COL26A1: variants seen among roughly 807,000 people sequenced by gnomAD.
The protein encoded by COL26A1 is collagen alpha-1(XXVI) chain.
A neutral mutation model predicts 59.3 loss-of-function variants in COL26A1; 41 were observed. The observed-to-expected ratio is 0.69, with a 90% CI of 0.54 to 0.90. The LOEUF is 0.90. Ranked by LOEUF, COL26A1 falls within the 40% of genes least tolerant of loss-of-function variation. The pLI is 0.00. For missense variants in COL26A1, 612 were observed against 602.3 expected, an observed-to-expected ratio of 1.02 and a Z score of -0.17; for synonymous variants, 266 against 256.0, an observed-to-expected ratio of 1.04 and a Z score of -0.37.
intron 2 of COL26A1, among the ~76,000 whole-genome samples, chr7:101,446,598 GC>G: frequency 6.6e-6 from 1 of 152,288 alleles, no homozygotes; most frequent in Admixed American, 6.5e-5. Context: ...TGTAATCGCA[GC>G]ACTTTGGAAG....
intron 3 of COL26A1, among the ~76,000 whole-genome samples, chr7:101,475,924 T>TTCTC (rs915213781): frequency 7.2e-6 from 1 of 138,844 alleles, no homozygotes; most frequent in African/African-American, 2.7e-5. Flanking sequence ...CTCTCTTTCT[T>TTCTC]TCTCTCTCTC....
chr7:101,473,076 CT>C lies in COL26A1; in HGVS notation c.385+25300del, dbSNP rs1348473588. Among the ~76,000 whole-genome samples the C allele has an allele frequency of 6.7e-3, 985 of 146,140 alleles. 7 individuals are homozygous for C. Among genetic ancestry groups the C allele is most frequent in the African/African-American group, 0.023 (904 of 40,118 alleles). ...TTTATGAGCTGACTATGGGTTGCAT[CT>C]TTTTTTTTTTCTTTTTTTTTGACAC... On this transcript the variant is annotated intron_variant, in intron 3 of 12. Coordinates refer to ENST00000313669, the MANE Select transcript of COL26A1 (RefSeq NM_001278563.3).
chr7:101,462,534 C>A (rs918411210), intron 3 of COL26A1, among the ~76,000 whole-genome samples: 1 of 151,808 alleles, frequency 6.6e-6, no homozygotes, highest in Non-Finnish European at 1.5e-5. Context: ...TCAGGCTGGT[C>A]TCGAACTCCT....
chr7:101,446,741 G>A (rs768090126), intron 2 of COL26A1, among the ~76,000 whole-genome samples: 12 of 152,112 alleles, frequency 7.9e-5, no homozygotes, highest in South Asian at 2.1e-4. Flanking sequence ...CAGCTACTCC[G>A]GAGGCTGAGG....
At chr7:101,434,857 G>C (rs1367638876) in intron 2 of COL26A1, among the ~76,000 whole-genome samples, 3 of 151,928 alleles carry the variant, frequency 2.0e-5, no homozygotes, top group Admixed American at 2.0e-4. Flanking sequence ...AGTGTGTAGA[G>C]AGAACACGAT....
intron 2 of COL26A1, among the ~76,000 whole-genome samples, chr7:101,428,590 G>A (rs1792702506): frequency 6.6e-6 from 1 of 152,132 alleles, no homozygotes; most frequent in South Asian, 2.1e-4. Flanking sequence ...CTGGGTAGAT[G>A]TAAATATATT....
intron 11 of COL26A1, among the ~76,000 whole-genome samples, chr7:101,553,632 G>A (rs1265089339): frequency 6.6e-6 from 1 of 152,150 alleles, no homozygotes; most frequent in Non-Finnish European, 1.5e-5. Context: ...CCCTTGGGGG[G>A]GCTTCCCGGG....
Position 101,553,487 on chromosome 7 carries a change from G to T in COL26A1, c.1080+111G>T, listed in dbSNP as rs1300874044. On this transcript the variant is annotated intron_variant, in intron 11 of 12. Coordinates refer to ENST00000313669, the MANE Select transcript of COL26A1 (RefSeq NM_001278563.3). ...CTGACCGTCAGCCAGCCCCGAGCTG[G>T]GTGCTGGGCCACCGGGTGTACAGGG... The T allele has an allele frequency of 1.0e-5, 11 of 1,059,164 alleles. No homozygotes were observed. The East Asian group carries it at 2.5e-4, about 24-fold the overall frequency. The allele number at this position is 1,059,164 out of a possible 1,614,324, so 65.6% of individuals were successfully genotyped here. A position where few individuals can be genotyped will look rare whatever the true frequency, so the allele number is the denominator to read the frequency against.
At chr7:101,378,215 A>G (rs1328979633) in intron 1 of COL26A1, among the ~76,000 whole-genome samples, 2 of 152,108 alleles carry the variant, frequency 1.3e-5, no homozygotes, top group Non-Finnish European at 2.9e-5. Context: ...CCCTGTCTCT[A>G]CTAAAAATAC....
intron 3 of COL26A1, among the ~76,000 whole-genome samples, chr7:101,529,825 A>G (rs1056793563): frequency 6.6e-6 from 1 of 152,080 alleles, no homozygotes; most frequent in Non-Finnish European, 1.5e-5. Context: ...CCAATCCACC[A>G]TTGGTGGACG....
At chr7:101,432,931 AC>A (rs1378337691) in intron 2 of COL26A1, among the ~76,000 whole-genome samples, 2 of 151,902 alleles carry the variant, frequency 1.3e-5, no homozygotes, top group Non-Finnish European at 2.9e-5. Context: ...CGAACTCCTG[AC>A]CTCAGGTGAC....
chr7:101,495,027 G>A (rs547469591), intron 3 of COL26A1, among the ~76,000 whole-genome samples: 6 of 152,290 alleles, frequency 3.9e-5, no homozygotes, highest in East Asian at 1.9e-4. Context: ...GAGCTGCTGC[G>A]GTTTAAGAAA....
intron 2 of COL26A1, among the ~76,000 whole-genome samples, chr7:101,423,110 C>A (rs994454445): frequency 6.6e-6 from 1 of 151,920 alleles, no homozygotes; most frequent in Non-Finnish European, 1.5e-5. Context: ...ACTAAAAATA[C>A]GAAAATTAGC....
intron 3 of COL26A1, among the ~76,000 whole-genome samples, chr7:101,464,376 A>T (rs867466757): frequency 2.6e-4 from 40 of 151,484 alleles, no homozygotes; most frequent in Middle Eastern, 3.2e-3. Flanking sequence ...CTGAGATTAC[A>T]GGTGTGAGCC....
chr7:101,394,545 C>G (rs1295337003), intron 1 of COL26A1, among the ~76,000 whole-genome samples: 1 of 151,654 alleles, frequency 6.6e-6, no homozygotes, highest in Admixed American at 6.6e-5. Flanking sequence ...TAGCTGGGAC[C>G]ACAGGTGTGT....
At chr7:101,501,204 A>G (rs1386050022) in intron 3 of COL26A1, among the ~76,000 whole-genome samples, 2 of 127,696 alleles carry the variant, frequency 1.6e-5, no homozygotes, top group African/African-American at 5.5e-5. Flanking sequence ...AAAAAAAAGA[A>G]AAGAAAAGAA....
At chr7:101,457,142 G>C (rs1793491358) in intron 3 of COL26A1, among the ~76,000 whole-genome samples, 1 of 152,124 alleles carries the variant, frequency 6.6e-6, no homozygotes, top group Non-Finnish European at 1.5e-5. Context: ...TAGGGGTGTG[G>C]AAAACGGTCC....
intron 1 of COL26A1, among the ~76,000 whole-genome samples, chr7:101,393,817 G>A (rs1366589549): frequency 6.6e-6 from 1 of 151,988 alleles, no homozygotes; most frequent in Non-Finnish European, 1.5e-5. Flanking sequence ...TGTGATCCTA[G>A]CTCACTACAG....
At chr7:101,500,062 T>C (rs1584465755) in intron 3 of COL26A1, among the ~76,000 whole-genome samples, 1 of 152,258 alleles carries the variant, frequency 6.6e-6, no homozygotes, top group African/African-American at 2.4e-5. Flanking sequence ...TCTTGTTCTA[T>C]GGAATAAGCA....
Sources: allele counts gnomAD v4.1 joint callset (sites outside exome capture counted in the v4.1 genomes callset), GRCh38; gene constraint gnomAD v4.1.1; transcripts MANE v1.5; gene names NCBI Gene and HGNC (gene_info 2026-07-23, HGNC 2026-07-21).